PTCHD4: variants seen among roughly 807,000 people sequenced by gnomAD.
PTCHD4 encodes patched domain containing 4.
In PTCHD4, 33 loss-of-function variants were observed where a neutral mutation model predicts 58.1. The observed-to-expected ratio is 0.57, with a 90% CI of 0.43 to 0.76. The LOEUF (loss-of-function observed/expected upper bound fraction) is 0.76. Ranked by LOEUF, PTCHD4 falls within the 30% of genes least tolerant of loss-of-function variation. The pLI is 0.00. For missense variants in PTCHD4, 1,058 were observed against 1,027.1 expected, an observed-to-expected ratio of 1.03 and a Z score of -0.41; for synonymous variants, 478 against 409.6, an observed-to-expected ratio of 1.17 and a Z score of -2.02.
At chr6:47,938,532 A>G (rs1216033952) in intron 4 of PTCHD4, among the ~76,000 whole-genome samples, 3 of 152,234 alleles carry the variant, frequency 2.0e-5, no homozygotes, top group East Asian at 1.9e-4. Context: ...AATATAAAAC[A>G]AGACCATCAA....
intron 4 of PTCHD4, among the ~76,000 whole-genome samples, chr6:47,925,107 C>T (rs1765561531): frequency 6.7e-6 from 1 of 149,410 alleles, no homozygotes; most frequent in South Asian, 2.1e-4. Context: ...TTTATATATA[C>T]ATATGTATAC....
At chr6:47,904,286 T>C (rs572466276) in intron 4 of PTCHD4, among the ~76,000 whole-genome samples, 2 of 152,346 alleles carry the variant, frequency 1.3e-5, no homozygotes, top group Non-Finnish European at 2.9e-5. Flanking sequence ...TACAGATGTG[T>C]TATCTAAAGC....
Position 47,878,528 on chromosome 6 carries a change from G to C in PTCHD4, c.2307C>G (p.Pro769=), listed in dbSNP as rs1763909478. 6.2e-7 allele frequency: 1 copy of C among 1,613,362 alleles called. No homozygotes were observed. Residue 769 remains proline, a synonymous_variant, in exon 5 of 5, where the codon CCC becomes CCG. Coordinates refer to ENST00000339488, the MANE Select transcript of PTCHD4 (RefSeq NM_001384253.1). ...TCAGGTTCGAAGGCACAAATAGAAG[G>C]GGGACTAACCCAATAAGAAAAGAAG... ...NVTSFLIGLV[P]LLFVPSNLTF...
chr6:48,009,876 T>G (rs1762605517), intron 3 of PTCHD4, among the ~76,000 whole-genome samples: 1 of 152,188 alleles, frequency 6.6e-6, no homozygotes, highest in Admixed American at 6.5e-5. Flanking sequence ...CAATTCATTT[T>G]CAGAGTTTGA....
chr6:47,878,255 T>A lies in PTCHD4; in HGVS notation c.*48A>T, dbSNP rs1763899945. On this transcript the variant is annotated 3_prime_UTR_variant, in exon 5 of 5. Coordinates refer to ENST00000339488, the MANE Select transcript of PTCHD4 (RefSeq NM_001384253.1). ...AGGTCTGAGCTTTACTTGCCCTGCA[T>A]CATTGTGCAATACTGGAAAAGAAAA... The A allele has an allele frequency of 6.7e-7, 1 of 1,498,008 alleles. No individual in the cohort carries two copies. Among genetic ancestry groups the A allele is most frequent in the Admixed American group, 2.2e-5 (1 of 46,124 alleles). 92.8% of individuals were successfully genotyped at this position (1,498,008 alleles called of 1,614,324 possible).
intron 1 of PTCHD4, among the ~76,000 whole-genome samples, chr6:48,079,063 A>G (rs1765113613): frequency 6.7e-6 from 1 of 148,454 alleles, no homozygotes; most frequent in Admixed American, 6.9e-5. Flanking sequence ...GCTTGCAGTG[A>G]GTCGAGATCG....
intron 3 of PTCHD4, among the ~76,000 whole-genome samples, chr6:48,016,552 G>T (rs1224415983): frequency 6.6e-6 from 1 of 151,822 alleles, no homozygotes; most frequent in Non-Finnish European, 1.5e-5. Flanking sequence ...GTGAATCATT[G>T]GAATTACAGG....
rs939872234 is a variant in PTCHD4 at position 47,867,243 on chromosome 6, G to C, written c.*11060C>G. Among the ~76,000 whole-genome samples the C allele has an allele frequency of 6.6e-6, 1 of 151,724 alleles. No individual in the cohort carries two copies. The highest frequency in any genetic ancestry group is 2.4e-5 in the African/African-American group (1 of 41,360). On this transcript the variant is annotated 3_prime_UTR_variant, in exon 5 of 5. Coordinates refer to ENST00000339488, the MANE Select transcript of PTCHD4 (RefSeq NM_001384253.1). ...TGTCAGTCTCTTACTCTCACACTTT[G>C]AGGGCTTTTGTGCCAGAACGTGGAC...
intron 4 of PTCHD4, among the ~76,000 whole-genome samples, chr6:47,882,430 G>A (rs1764043982): frequency 6.6e-6 from 1 of 151,892 alleles, no homozygotes; most frequent in Admixed American, 6.6e-5. Flanking sequence ...TGGAGATGGC[G>A]TGTTTTATCC....
At chr6:47,956,441 TA>T (rs1766863929) in intron 4 of PTCHD4, among the ~76,000 whole-genome samples, 1 of 151,988 alleles carries the variant, frequency 6.6e-6, no homozygotes, top group Non-Finnish European at 1.5e-5. Context: ...TTTTTATTTT[TA>T]TTTTTTTTTG....
intron 3 of PTCHD4, among the ~76,000 whole-genome samples, chr6:48,028,522 G>A (rs1250493009): frequency 6.6e-6 from 1 of 152,006 alleles, no homozygotes; most frequent in Non-Finnish European, 1.5e-5. Context: ...AAATTTTAAA[G>A]ACAATATCAA....
chr6:47,941,072 T>A (rs1766201471), intron 4 of PTCHD4, among the ~76,000 whole-genome samples: 1 of 152,192 alleles, frequency 6.6e-6, no homozygotes, highest in South Asian at 2.1e-4. Context: ...TGCCTGACTG[T>A]TGGCAACTCA....
In PTCHD4 at chr6:47,856,790, TAAA is replaced by T. The variant is rs1255804911; in HGVS notation, c.*21510_*21512del. On this transcript the variant is annotated 3_prime_UTR_variant, in exon 5 of 5. Transcript: ENST00000339488. ...AATTTTATGAACATTTTATACCTAA[TAAA>T]AAAGTTAAAATAATTAACAGCATTC... Among the ~76,000 whole-genome samples, 1 of 152,058 alleles carries T rather than the reference TAAA, an allele frequency of 6.6e-6. No individual in the cohort carries two copies. The highest frequency in any genetic ancestry group is 1.5e-5 in the Non-Finnish European group (1 of 67,978).
chr6:47,914,441 G>T (rs889358289), intron 4 of PTCHD4, among the ~76,000 whole-genome samples: 1 of 151,948 alleles, frequency 6.6e-6, no homozygotes. Context: ...AAGGAAGGGA[G>T]AATTTGCTCT....
chr6:47,935,273 T>C (rs1765961091), intron 4 of PTCHD4, among the ~76,000 whole-genome samples: 1 of 152,252 alleles, frequency 6.6e-6, no homozygotes, highest in Admixed American at 6.5e-5. Context: ...ATCATTCGTA[T>C]GCTACCTCTT....
intron 1 of PTCHD4, among the ~76,000 whole-genome samples, chr6:48,100,899 A>G (rs1765590491): frequency 1.3e-5 from 2 of 152,226 alleles, no homozygotes; most frequent in African/African-American, 4.8e-5. Flanking sequence ...TGGTAAACAA[A>G]TAACCTAAAA....
chr6:48,050,184 T>C (rs1764180496), intron 3 of PTCHD4, among the ~76,000 whole-genome samples: 1 of 151,978 alleles, frequency 6.6e-6, no homozygotes, highest in Non-Finnish European at 1.5e-5. Flanking sequence ...TATTAGGGCT[T>C]CAGATGAGTC....
chr6:47,995,865 A>T, intron 4 of PTCHD4, among the ~76,000 whole-genome samples: 1 of 152,318 alleles, frequency 6.6e-6, no homozygotes, highest in Non-Finnish European at 1.5e-5. Flanking sequence ...CACCCATGCT[A>T]TGAAACACAT....
intron 4 of PTCHD4, among the ~76,000 whole-genome samples, chr6:47,937,256 A>C (rs1766037586): frequency 6.6e-6 from 1 of 152,198 alleles, no homozygotes. Flanking sequence ...GCAAGAGCGG[A>C]AGTAGAGAGA....
Sources: allele counts gnomAD v4.1 joint callset (sites outside exome capture counted in the v4.1 genomes callset), GRCh38; gene constraint gnomAD v4.1.1; transcripts MANE v1.5; gene names NCBI Gene and HGNC (gene_info 2026-07-23, HGNC 2026-07-21).